The following PCSK5 variants were observed in gnomAD, a reference collection of about 807,000 sequenced individuals.
PCSK5 encodes prohormone convertase 5.
PCSK5 carries 129 observed loss-of-function variants against 233.2 expected under a neutral mutation model. The ratio of observed to expected loss-of-function variants is 0.55; its 90% CI spans 0.48 to 0.64. The LOEUF is 0.64. PCSK5 is among the 30% of genes least tolerant of loss of function. The probability of loss-of-function intolerance (pLI) is 0.00; values close to 1 mark genes in which losing one functional copy is unlikely to be tolerated. For missense variants in PCSK5, 2,076 were observed against 2,430.1 expected (o/e 0.85, Z 3.06); for synonymous variants, 825 against 879.2 (o/e 0.94, Z 1.09).
intron 3 of PCSK5, among the ~76,000 whole-genome samples, chr9:75,999,865 G>A (rs1311711867): frequency 6.6e-6 from 1 of 152,170 alleles, no homozygotes. Flanking sequence ...ATAGGCATGG[G>A]CAAAGACTTC....
chr9:76,059,844 C>T (rs903137291), intron 5 of PCSK5, among the ~76,000 whole-genome samples: 4 of 151,798 alleles, frequency 2.6e-5, no homozygotes, highest in African/African-American at 7.3e-5. Context: ...GAAAAGCATC[C>T]AGAGAAAAAT....
At chr9:76,120,302 A>G (rs1832583698) in intron 9 of PCSK5, among the ~76,000 whole-genome samples, 1 of 152,056 alleles carries the variant, frequency 6.6e-6, no homozygotes, top group South Asian at 2.1e-4. Flanking sequence ...ATCACTTCAT[A>G]TTTTAAACAT....
intron 20 of PCSK5, among the ~76,000 whole-genome samples, chr9:76,213,073 A>G (rs1825389969): frequency 6.6e-6 from 1 of 152,228 alleles, no homozygotes; most frequent in African/African-American, 2.4e-5. Flanking sequence ...GACATGTATC[A>G]TTGTCATTTC....
intron 9 of PCSK5, among the ~76,000 whole-genome samples, chr9:76,121,245 G>T (rs1037778796): frequency 6.6e-6 from 1 of 151,734 alleles, no homozygotes; most frequent in Non-Finnish European, 1.5e-5. Flanking sequence ...CTGTTTAGAT[G>T]AATATATAGT....
rs1157495164 is a variant in PCSK5, at chr9:76,233,727, G to A, written c.2866+131G>A. The A allele has an allele frequency of 2.6e-5, 21 of 805,574 alleles. No individual in the cohort carries two copies. In the East Asian group the frequency reaches 4.5e-4, roughly 17 times the overall value. 49.9% of individuals were successfully genotyped at this position (805,574 alleles called of 1,614,324 possible). A position where few individuals can be genotyped will look rare whatever the true frequency, so the allele number is the denominator to read the frequency against. On this transcript the variant is annotated intron_variant, in intron 22 of 37. Coordinates refer to ENST00000674117, the MANE Select transcript of PCSK5 (RefSeq NM_001372043.1). ...AGATCAGACAGCTGTTCACTGGAGA[G>A]CGTGTACAACCTTGAACTTTCTGCT...
At chr9:76,177,542 A>G (rs12683818) in intron 14 of PCSK5, among the ~76,000 whole-genome samples, 47,177 of 152,094 alleles carry the variant, frequency 0.31, 7,659 homozygotes, top group East Asian at 0.58. Context: ...GCTGGATTGT[A>G]TTAGATTTTG....
At chr9:76,254,928 T>C (rs1424358061) in intron 24 of PCSK5, among the ~76,000 whole-genome samples, 2 of 152,346 alleles carry the variant, frequency 1.3e-5, no homozygotes, top group Non-Finnish European at 2.9e-5. Context: ...ATGCAGGTGC[T>C]GATACCTACT....
At position 76,358,808 on chromosome 9, in the gene PCSK5, C is replaced by G; in HGVS notation, c.5550C>G (p.Ile1850Met). The change falls in exon 38 of 38, where the codon ATC becomes ATG. Residue 1850 changes from isoleucine (I) to methionine (M), a missense_variant. By Grantham distance (10) the Ile-to-Met change is conservative. This residue lies in a region of PCSK5 where 1,510 missense variants were observed against 1,538.1 expected (regional missense o/e 0.98). Transcript: ENST00000674117. ...RDYDEDDDDD[I>M]VYMGQDGTVY... ...ATGATGAGGATGATGATGATGACAT[C>G]GTCTACATGGGCCAGGATGGCACAG... 1 of 1,612,786 alleles carries G rather than the reference C, an allele frequency of 6.2e-7. No individual in the cohort carries two copies. The highest frequency in any genetic ancestry group is 8.5e-7 in the Non-Finnish European group (1 of 1,179,842).
chr9:76,268,621 A>T (rs1827414435), intron 24 of PCSK5, among the ~76,000 whole-genome samples: 1 of 152,212 alleles, frequency 6.6e-6, no homozygotes, highest in Non-Finnish European at 1.5e-5. Context: ...AGGTGGACAG[A>T]TCGCTTGAGC....
At chr9:76,041,607 C>G (rs1355880121) in intron 5 of PCSK5, among the ~76,000 whole-genome samples, 1 of 151,994 alleles carries the variant, frequency 6.6e-6, no homozygotes, top group Non-Finnish European at 1.5e-5. Flanking sequence ...TTTGGGAGGC[C>G]AAGGCGGGCG....
intron 9 of PCSK5, among the ~76,000 whole-genome samples, chr9:76,130,557 T>A (rs180935139): frequency 1.4e-4 from 22 of 152,324 alleles, no homozygotes; most frequent in Admixed American, 5.9e-4. Context: ...ATTTTCAATA[T>A]CATGCAACAA....
At chr9:76,242,308 A>G (rs775701125) in intron 24 of PCSK5, among the ~76,000 whole-genome samples, 25 of 152,142 alleles carry the variant, frequency 1.6e-4, no homozygotes, top group Non-Finnish European at 3.4e-4. Context: ...TATTGTGGCT[A>G]TCACCACCAC....
intron 5 of PCSK5, among the ~76,000 whole-genome samples, chr9:76,046,176 T>TTTTTTTTTTTTG (rs1829377209): frequency 8.8e-6 from 1 of 113,510 alleles, no homozygotes; most frequent in African/African-American, 3.4e-5. Context: ...TTTTTTTTTT[T>TTTTTTTTTTTTG]TTTTTTTTTT....
intron 5 of PCSK5, among the ~76,000 whole-genome samples, chr9:76,056,255 T>A (rs1279858162): frequency 6.6e-6 from 1 of 152,184 alleles, no homozygotes; most frequent in Non-Finnish European, 1.5e-5. Context: ...GGGTAAAGGG[T>A]GACCCCCTTT....
chr9:76,300,115 C>T (rs1009289728), intron 27 of PCSK5, among the ~76,000 whole-genome samples: 1 of 152,148 alleles, frequency 6.6e-6, no homozygotes, highest in Non-Finnish European at 1.5e-5. Flanking sequence ...TAATTCTAAT[C>T]CTTGGGGAAA....
At chr9:75,963,711 T>A (rs2131348720) in intron 2 of PCSK5, among the ~76,000 whole-genome samples, 1 of 152,314 alleles carries the variant, frequency 6.6e-6, no homozygotes, top group East Asian at 1.9e-4. Context: ...AAACCCCGTC[T>A]CTACTAAAAA....
At chr9:75,914,515 C>G (rs1409411363) in intron 1 of PCSK5, among the ~76,000 whole-genome samples, 2 of 151,940 alleles carry the variant, frequency 1.3e-5, no homozygotes, top group Non-Finnish European at 2.9e-5. Context: ...ACCCAATGAC[C>G]ATTGGGTTTT....
At position 75,986,314 on chromosome 9, in the gene PCSK5, T is replaced by C. The variant is rs879046388; in HGVS notation, c.411+69T>C. 17 of 917,734 alleles carry C rather than the reference T, an allele frequency of 1.9e-5. No individual in the cohort carries two copies. The South Asian group carries it at 1.9e-4, about 10-fold the overall frequency. 56.8% of individuals were successfully genotyped at this position (917,734 alleles called of 1,614,324 possible). On this transcript the variant is annotated intron_variant, in intron 3 of 37. Transcript: ENST00000674117. ...TTTTGTGTTGTATGCAGAGAATCTG[T>C]TGGTCTTGGGAGGACACAGAAATAC...
At chr9:76,134,277 A>C in intron 10 of PCSK5, 65 bp downstream of exon 10, 1 of 1,020,106 alleles carries the variant, frequency 9.8e-7, no homozygotes, top group Non-Finnish European at 1.5e-6. Context: ...TTTTAAATGG[A>C]GAGCAGGAAA....
Sources: allele counts gnomAD v4.1 joint callset (sites outside exome capture counted in the v4.1 genomes callset), GRCh38; gene constraint gnomAD v4.1.1; regional missense constraint gnomAD v4.1.1; transcripts MANE v1.5; gene names NCBI Gene and HGNC (gene_info 2026-07-23, HGNC 2026-07-21).